Variants in RYK observed in about 807,000 individuals in gnomAD.
The protein encoded by RYK is receptor like tyrosine kinase, also known as inactive tyrosine-protein kinase RYK.
In RYK, 21 loss-of-function variants were observed where a neutral mutation model predicts 70.2. The ratio of observed to expected loss-of-function variants is 0.30; its 90% CI spans 0.21 to 0.43. The LOEUF is 0.43. Among genes scored for constraint, RYK ranks in the 20% least tolerant of loss-of-function variants. The pLI is 1.00. For missense variants in RYK, 604 were observed against 753.3 expected (o/e 0.80, Z 2.32); for synonymous variants, 267 against 278.0 (o/e 0.96, Z 0.39).
intron 2 of RYK, among the ~76,000 whole-genome samples, chr3:134,221,697 T>C (rs970838756): frequency 6.6e-6 from 1 of 152,190 alleles, no homozygotes; most frequent in East Asian, 1.9e-4. Flanking sequence ...GGTATTCTTA[T>C]TTATAGTAGC....
intron 9 of RYK, among the ~76,000 whole-genome samples, chr3:134,187,296 T>C (rs1460338754): frequency 1.3e-5 from 2 of 152,222 alleles, no homozygotes; most frequent in South Asian, 2.1e-4. Flanking sequence ...ATACTTTCCA[T>C]GTATTCCTTT....
chr3:134,206,101 A>G (rs2014204557), intron 5 of RYK, among the ~76,000 whole-genome samples: 1 of 152,210 alleles, frequency 6.6e-6, no homozygotes, highest in African/African-American at 2.4e-5. Context: ...ATTTTTTTTA[A>G]TGTTTTTTCT....
chr3:134,240,581 T>C (rs2015299395), intron 1 of RYK, among the ~76,000 whole-genome samples: 1 of 152,172 alleles, frequency 6.6e-6, no homozygotes, highest in African/African-American at 2.4e-5. Flanking sequence ...ACAGAGTGAA[T>C]CTTAATATAT....
At chr3:134,194,832 T>A (rs2013763969) in intron 7 of RYK, among the ~76,000 whole-genome samples, 2 of 152,224 alleles carry the variant, frequency 1.3e-5, no homozygotes, top group South Asian at 2.1e-4. Context: ...CCTTTTAGTA[T>A]AATAAATCTA....
chr3:134,190,306 G>A (rs2013606601), intron 8 of RYK, among the ~76,000 whole-genome samples: 1 of 152,018 alleles, frequency 6.6e-6, no homozygotes, highest in Non-Finnish European at 1.5e-5. Context: ...CTCTTGCACT[G>A]AAGCACTGCA....
intron 2 of RYK, among the ~76,000 whole-genome samples, chr3:134,214,512 A>G (rs773474081): frequency 6.6e-6 from 1 of 150,740 alleles, no homozygotes; most frequent in Non-Finnish European, 1.5e-5. Context: ...CATTACTGAC[A>G]GTCATATTGG....
At chr3:134,171,605 G>A (rs569104708) in intron 13 of RYK, among the ~76,000 whole-genome samples, 7 of 152,256 alleles carry the variant, frequency 4.6e-5, no homozygotes, top group Admixed American at 1.3e-4. Context: ...AGTGGCTCCC[G>A]CCTGTAATCC....
intron 8 of RYK, among the ~76,000 whole-genome samples, 189 bp downstream of exon 8, chr3:134,191,660 A>G (rs1413476053): frequency 6.6e-6 from 1 of 152,220 alleles, no homozygotes; most frequent in African/African-American, 2.4e-5. Flanking sequence ...GAACTGCACC[A>G]AAGTTGTACA....
intron 1 of RYK, among the ~76,000 whole-genome samples, chr3:134,242,022 C>G (rs1490441339): frequency 6.6e-6 from 1 of 152,134 alleles, no homozygotes; most frequent in African/African-American, 2.4e-5. Flanking sequence ...GAGAATGAGG[C>G]CGGGCAAGGT....
intron 12 of RYK, 39 bp from the exon 13 acceptor site, chr3:134,175,807 T>G (rs367980608): frequency 7.8e-5 from 125 of 1,607,772 alleles, no homozygotes; most frequent in Non-Finnish European, 1.0e-4. Context: ...GCAATCAGAG[T>G]ATTAAAAAGT....
At chr3:134,215,822 G>A (rs2014533580) in intron 2 of RYK, among the ~76,000 whole-genome samples, 1 of 152,090 alleles carries the variant, frequency 6.6e-6, no homozygotes, top group Non-Finnish European at 1.5e-5. Flanking sequence ...TGGATCACTT[G>A]AGGCCAGGAG....
intron 9 of RYK, among the ~76,000 whole-genome samples, chr3:134,185,877 A>G (rs986872541): frequency 2.6e-5 from 4 of 152,148 alleles, no homozygotes; most frequent in Non-Finnish European, 4.4e-5. Context: ...AAAGCAAAGG[A>G]CACTTGAATG....
At chr3:134,169,482 GC>G (rs1167890377) in intron 13 of RYK, among the ~76,000 whole-genome samples, 1 of 152,136 alleles carries the variant, frequency 6.6e-6, no homozygotes, top group Non-Finnish European at 1.5e-5. Context: ...TCTTAAGAAT[GC>G]CTACAATGAT....
intron 1 of RYK, among the ~76,000 whole-genome samples, chr3:134,246,333 CACACACACACAG>C (rs2015465208): frequency 6.9e-6 from 1 of 144,688 alleles, no homozygotes; most frequent in African/African-American, 2.6e-5. Context: ...CACACACACA[CACACACACACAG>C]AGAGAGAGAA....
chr3:134,191,157 G>A (rs1459487313), intron 8 of RYK, among the ~76,000 whole-genome samples: 1 of 152,126 alleles, frequency 6.6e-6, no homozygotes, highest in Non-Finnish European at 1.5e-5. Flanking sequence ...AACATGAAGA[G>A]CTCAGTGCAG....
intron 6 of RYK, among the ~76,000 whole-genome samples, chr3:134,198,741 ATGAT>A (rs1421538495): frequency 6.6e-6 from 1 of 152,238 alleles, no homozygotes; most frequent in Non-Finnish European, 1.5e-5. Flanking sequence ...AAAGCAAAGA[ATGAT>A]TGGTAAAACA....
chr3:134,210,282 G>A (rs906664672), intron 3 of RYK, among the ~76,000 whole-genome samples: 36 of 152,148 alleles, frequency 2.4e-4, no homozygotes, highest in African/African-American at 8.4e-4. Context: ...TTAATAAAAA[G>A]ATTAAATATA....
At chr3:134,215,042 T>C (rs1157517947) in intron 2 of RYK, among the ~76,000 whole-genome samples, 4 of 152,200 alleles carry the variant, frequency 2.6e-5, no homozygotes. Flanking sequence ...GGCAATTCTA[T>C]CTAATTATCC....
intron 9 of RYK, among the ~76,000 whole-genome samples, chr3:134,183,715 T>C (rs7633386): frequency 0.27 from 41,804 of 152,052 alleles, 6,253 homozygotes; most frequent in Non-Finnish European, 0.33. Context: ...GTTACAGATA[T>C]AGTCACAAAA....
Sources: gnomAD v4.1 joint callset for allele counts (sites outside exome capture counted in the v4.1 genomes callset) on GRCh38, gnomAD v4.1.1 for gene constraint, MANE v1.5 for transcripts, NCBI Gene and HGNC (gene_info 2026-07-23, HGNC 2026-07-21) for gene names.